Variants in IL1RAPL1 observed in about 807,000 individuals in gnomAD.
IL1RAPL1 encodes the protein interleukin-1 receptor accessory protein-like 1.
IL1RAPL1 carries 3 observed loss-of-function variants against 48.4 expected under a neutral mutation model. That is an observed-to-expected ratio of 0.06 (90% CI 0.03 to 0.16). IL1RAPL1 has a LOEUF of 0.16. IL1RAPL1 is among the 10% of genes least tolerant of loss of function. The pLI, the probability that IL1RAPL1 is intolerant of heterozygous loss-of-function variation, is 1.00. For synonymous variants in IL1RAPL1, 185 were observed against 187.7 expected, an observed-to-expected ratio of 0.99 and a Z score of 0.12; for missense variants, 349 against 530.6, an observed-to-expected ratio of 0.66 and a Z score of 3.36.
Position 28,945,427 on chromosome X carries a change from G to A in IL1RAPL1, c.82+156002G>A, listed in dbSNP as rs187948352. Among the ~76,000 whole-genome samples, 75 of 111,311 alleles carry A rather than the reference G, an allele frequency of 6.7e-4. No homozygotes were observed. The East Asian group carries it at 0.016, about 24-fold the overall frequency. ...ATGGAATACTATGCAGCCATAAAAA[G>A]GAAGGAGATCATGTCCTTTGCAGGG... On this transcript the variant is annotated intron_variant, in intron 2 of 10. Coordinates refer to ENST00000378993, the MANE Select transcript of IL1RAPL1 (RefSeq NM_014271.4).
At chrX:28,826,922 A>G (rs1022759982) in intron 2 of IL1RAPL1, among the ~76,000 whole-genome samples, 1 of 111,078 alleles carries the variant, frequency 9.0e-6, no homozygotes, top group Admixed American at 9.6e-5. Flanking sequence ...ATATTCAAGT[A>G]GTTTCAGAGG....
intron 6 of IL1RAPL1, among the ~76,000 whole-genome samples, chrX:29,706,872 T>C (rs1927214528): frequency 9.0e-6 from 1 of 111,678 alleles, no homozygotes; most frequent in East Asian, 2.8e-4. Context: ...CTTCTAGACA[T>C]TGGCTTAGGA....
At chrX:29,940,169 C>A (rs1933103131) in intron 8 of IL1RAPL1, among the ~76,000 whole-genome samples, 1 of 110,837 alleles carries the variant, frequency 9.0e-6, no homozygotes, top group Admixed American at 9.6e-5. Flanking sequence ...AGTCTGAGGA[C>A]TTTTTTTCCT....
intron 2 of IL1RAPL1, among the ~76,000 whole-genome samples, chrX:29,145,688 C>CTCTG (rs1260590729): frequency 1.8e-5 from 2 of 111,927 alleles, no homozygotes; most frequent in East Asian, 5.6e-4. Flanking sequence ...TGGTGGAAAG[C>CTCTG]TCTGGATTGT....
At chrX:29,817,152 C>T (rs12013563) in intron 6 of IL1RAPL1, among the ~76,000 whole-genome samples, 8 of 111,462 alleles carry the variant, frequency 7.2e-5, no homozygotes, top group South Asian at 3.7e-4. Flanking sequence ...AGCATAATAA[C>T]GCATTGTCTA....
chrX:29,174,897 A>AC (rs953640204), intron 2 of IL1RAPL1, among the ~76,000 whole-genome samples: 18 of 110,052 alleles, frequency 1.6e-4, no homozygotes, highest in Non-Finnish European at 3.0e-4. Flanking sequence ...ACACAGTGAA[A>AC]CCCCGTCTCT....
intron 1 of IL1RAPL1, among the ~76,000 whole-genome samples, chrX:28,616,769 C>G (rs1028741046): frequency 1.8e-5 from 2 of 112,259 alleles, no homozygotes; most frequent in African/African-American, 6.5e-5. Flanking sequence ...GGGTATTTTT[C>G]ATAATCCCTT....
chrX:29,036,322 G>C (rs752030720), intron 2 of IL1RAPL1, among the ~76,000 whole-genome samples: 11 of 112,114 alleles, frequency 9.8e-5, no homozygotes, highest in East Asian at 2.8e-4. Context: ...CAGAAATTGA[G>C]AAAGAGGGCA....
chrX:29,112,802 T>G (rs1456058840), intron 2 of IL1RAPL1, among the ~76,000 whole-genome samples: 2 of 102,050 alleles, frequency 2.0e-5, no homozygotes, highest in African/African-American at 3.6e-5. Flanking sequence ...GGTTTTTTTT[T>G]TTTTTTTTTT....
chrX:29,809,517 A>G (rs1347848599), intron 6 of IL1RAPL1, among the ~76,000 whole-genome samples: 1 of 111,830 alleles, frequency 8.9e-6, no homozygotes, highest in African/African-American at 3.3e-5. Context: ...CGCCTTCAGA[A>G]CAATGTAAGT....
chrX:29,839,283 A>G (rs982744844), intron 6 of IL1RAPL1, among the ~76,000 whole-genome samples: 3 of 112,042 alleles, frequency 2.7e-5, no homozygotes, highest in Non-Finnish European at 3.8e-5. Flanking sequence ...TATGTAAACC[A>G]ATGGGTCAAT....
At chrX:29,382,068 C>G (rs185092207) in intron 3 of IL1RAPL1, among the ~76,000 whole-genome samples, 24 of 109,206 alleles carry the variant, frequency 2.2e-4, no homozygotes, top group African/African-American at 8.0e-4. Context: ...ATTTAATAGA[C>G]TAGTGAACAG....
At chrX:28,991,198 G>A (rs1433271499) in intron 2 of IL1RAPL1, among the ~76,000 whole-genome samples, 1 of 111,784 alleles carries the variant, frequency 8.9e-6, no homozygotes, top group African/African-American at 3.2e-5. Context: ...GTATACTTGT[G>A]TTTGTGTATG....
chrX:29,544,893 G>T (rs1335483780), intron 5 of IL1RAPL1, among the ~76,000 whole-genome samples: 1 of 109,294 alleles, frequency 9.1e-6, no homozygotes, highest in Non-Finnish European at 1.9e-5. Context: ...CGTTAAAAAT[G>T]AGGTCCTTAG....
chrX:29,348,964 GC>G (rs1322657887), intron 3 of IL1RAPL1, among the ~76,000 whole-genome samples: 1 of 111,797 alleles, frequency 8.9e-6, no homozygotes, highest in Admixed American at 9.5e-5. Flanking sequence ...CAAACCCGTG[GC>G]CCCCTGGAGG....
chrX:28,659,583 C>CGACGGT (rs1934793074), intron 1 of IL1RAPL1: 1 of 412,283 alleles, frequency 2.4e-6, no homozygotes, highest in Admixed American at 4.3e-5. Flanking sequence ...AGCTAGAGAG[C>CGACGGT]GACGGTGGCG....
chrX:29,164,833 T>C (rs1929755331), intron 2 of IL1RAPL1, among the ~76,000 whole-genome samples: 1 of 111,338 alleles, frequency 9.0e-6, no homozygotes, highest in African/African-American at 3.3e-5. Flanking sequence ...TATCTGTGTA[T>C]GTGTGTCTAA....
At chrX:29,635,796 A>G (rs1223963976) in intron 5 of IL1RAPL1, among the ~76,000 whole-genome samples, 5 of 81,880 alleles carry the variant, frequency 6.1e-5, no homozygotes, top group African/African-American at 2.4e-4. Context: ...ATGCTTCCGG[A>G]AAAAAAAAAA....
At chrX:29,671,378 C>G (rs1926135938) in intron 6 of IL1RAPL1, among the ~76,000 whole-genome samples, 1 of 111,620 alleles carries the variant, frequency 9.0e-6, no homozygotes, top group African/African-American at 3.3e-5. Flanking sequence ...GCAAAAAGCA[C>G]TAAAAGCAAA....
Sources: allele counts gnomAD v4.1 joint callset (sites outside exome capture counted in the v4.1 genomes callset), GRCh38; gene constraint gnomAD v4.1.1; transcripts MANE v1.5; gene names NCBI Gene and HGNC (gene_info 2026-07-23, HGNC 2026-07-21).